The following PDZD4 variants were observed in gnomAD, a reference collection of about 807,000 sequenced individuals.
PDZD4 encodes the protein PDZ domain containing 4, also known as PDZ domain-containing protein 4.
Under a neutral mutation model 38.5 loss-of-function variants are expected in PDZD4, and 9 were observed. The observed-to-expected ratio is 0.23, with a 90% CI of 0.14 to 0.41. The LOEUF (loss-of-function observed/expected upper bound fraction) is 0.41. Ranked by LOEUF, PDZD4 falls within the 10% of genes least tolerant of loss-of-function variation. The pLI, the probability that PDZD4 is intolerant of heterozygous loss-of-function variation, is 1.00. For synonymous variants in PDZD4, 349 were observed against 315.7 expected (o/e 1.11, Z -1.12); for missense variants, 612 against 722.0 (o/e 0.85, Z 1.75).
rs1557076447 is a variant in PDZD4, at chrX:153,805,079, G to A, written c.780+18C>T. On this transcript the variant is annotated intron_variant, in intron 7 of 7. Coordinates refer to ENST00000393758, the MANE Select transcript of PDZD4 (RefSeq NM_001303512.2). The stretch of plus-strand genomic sequence containing the variant: ...TCTCCTCCTCGCCCTCCCCACCAGC[G>A]CCCTTTTCCTTCCTCACCTGCTGGG... 8.4e-7 allele frequency: 1 copy of A among 1,197,361 alleles called. No homozygotes were observed. Among genetic ancestry groups the A allele is most frequent in the African/African-American group, 1.8e-5 (1 of 56,917 alleles).
chrX:153,815,648 G>T (rs964059436), intron 1 of PDZD4, among the ~76,000 whole-genome samples: 7 of 111,867 alleles, frequency 6.3e-5, no homozygotes, highest in African/African-American at 2.3e-4. Context: ...CCAGGTCGGG[G>T]AGGGGACCTG....
Position 153,803,564 on chromosome X carries a change from T to G in PDZD4, c.2117A>C (p.Gln706Pro). Residue 706 changes from glutamine to proline, a missense_variant, in exon 8 of 8, where the codon CAG becomes CCG. By Grantham distance (76) the Gln-to-Pro change is moderately conservative (BLOSUM62 -1). Transcript: ENST00000393758. ...EQRKRREFMM[Q>P]SRLECLREQQ... is the part of the protein sequence containing the mutation. ...CTCCCGCAGGCACTCCAGCCGGCTC[T>G]GCATCATGAACTCGCGCCGCTTCCG... 8.3e-7 allele frequency: 1 copy of G among 1,210,346 alleles called. No homozygotes were observed.
Position 153,803,051 on chromosome X carries a change from A to C in PDZD4, c.*302T>G. On this transcript the variant is annotated 3_prime_UTR_variant, in exon 8 of 8. Transcript: ENST00000393758. ...GTGCGTGCACGTGCAAGCACACGCA[A>C]GAGCATGGGGGATGGGGAATGCACA... 2 of 213,504 alleles carry C rather than the reference A, an allele frequency of 9.4e-6. No individual in the cohort carries two copies. Among genetic ancestry groups the C allele is most frequent in the East Asian group, 7.6e-5 (1 of 13,171 alleles). The allele number at this position is 213,504 out of a possible 1,213,427, so 17.6% of individuals were successfully genotyped here.
At chrX:153,808,632 G>A in intron 1 of PDZD4, 37 bp from the exon 2 acceptor site, 3 of 1,114,491 alleles carry the variant, frequency 2.7e-6, no homozygotes, top group East Asian at 3.3e-5. Context: ...AACCCTCAAA[G>A]GCTTGCTCCT....
intron 3 of PDZD4, 38 bp from the exon 4 acceptor site, chrX:153,806,878 G>C: frequency 8.9e-7 from 1 of 1,129,149 alleles, no homozygotes; most frequent in Non-Finnish European, 1.2e-6. Context: ...GAGGTAGAAA[G>C]CCCCAGAAAT....
Position 153,805,618 on chromosome X carries a change from A to T in PDZD4, c.568-12T>A, listed in dbSNP as rs782328094. 8.4e-7 allele frequency: 1 copy of T among 1,190,826 alleles called. No homozygotes were observed. Among genetic ancestry groups the T allele is most frequent in the Admixed American group, 2.2e-5 (1 of 46,098 alleles). ...TCTACACCGTTAATCTGAGGCAGGC[A>T]GGATACAATCAACAAGCATGCTAGG... On this transcript the variant is annotated splice_polypyrimidine_tract_variant and intron_variant, in intron 5 of 7. Coordinates refer to ENST00000393758, the MANE Select transcript of PDZD4 (RefSeq NM_001303512.2).
At chrX:153,818,939 C>G in intron 1 of PDZD4, among the ~76,000 whole-genome samples, 1 of 112,352 alleles carries the variant, frequency 8.9e-6, no homozygotes, top group Non-Finnish European at 1.9e-5. Context: ...GCAGGCATGA[C>G]GCGAAGTCGG....
At chrX:153,829,367 C>T (rs2064516904) in intron 1 of PDZD4, among the ~76,000 whole-genome samples, 1 of 111,368 alleles carries the variant, frequency 9.0e-6, no homozygotes, top group African/African-American at 3.3e-5. Context: ...CCTGTCTGAG[C>T]CCTGTCTGCT....
At chrX:153,826,383 G>GA (rs1216114882) in intron 1 of PDZD4, among the ~76,000 whole-genome samples, 1 of 110,560 alleles carries the variant, frequency 9.0e-6, no homozygotes, top group Non-Finnish European at 1.9e-5. Flanking sequence ...TTTTAGTAAG[G>GA]TCGCAAGATA....
In PDZD4 at chrX:153,804,037, C is replaced by G; in HGVS notation, c.1644G>C (p.Ala548=). Reference sequence around the variant, plus strand: ...TGGGGTTGCGGCGGCCGCGCTCCTCCGCGTGCTGCCTCCGGCCGGCCTCAG... The same window carrying G: ...TGGGGTTGCGGCGGCCGCGCTCCTCGGCGTGCTGCCTCCGGCCGGCCTCAG... The part of the protein sequence containing the change: ...RDPEAGRRQH[A]EERGRRNPKT... Residue 548 remains alanine (A), a synonymous_variant, in exon 8 of 8, where the codon GCG becomes GCC. Transcript: ENST00000393758. 8.6e-7 allele frequency: 1 copy of G among 1,159,102 alleles called. No individual in the cohort carries two copies. The highest frequency in any genetic ancestry group is 1.1e-6 in the Non-Finnish European group (1 of 871,423).
chrX:153,829,098 G>T (rs904158487), intron 1 of PDZD4, among the ~76,000 whole-genome samples: 3 of 111,413 alleles, frequency 2.7e-5, no homozygotes, highest in African/African-American at 6.5e-5. Context: ...TTGCGTCCCC[G>T]CCCTGCCCCT....
At chrX:153,809,929 G>A (rs1052737230) in intron 1 of PDZD4, among the ~76,000 whole-genome samples, 20 of 113,043 alleles carry the variant, frequency 1.8e-4, no homozygotes, top group African/African-American at 4.8e-4. Context: ...AGCCCATTAC[G>A]CACAGCGCAG....
At position 153,803,946 on chromosome X, in the gene PDZD4, C is replaced by T. The variant is rs1557075636; in HGVS notation, c.1735G>A (p.Gly579Ser). 4 of 1,165,549 alleles carry T rather than the reference C, an allele frequency of 3.4e-6. No homozygotes were observed. Among genetic ancestry groups the T allele is most frequent in the Non-Finnish European group, 2.3e-6 (2 of 874,048 alleles). The part of the protein sequence containing the change: ...SSPYLSRRHR[G>S]QGQEGEHYHS... ...TAGTGCTCGCCCTCCTGGCCCTGGC[C>T]GCGGTGGCGCCGCGAGAGGTAAGGG... Residue 579 changes from glycine (G) to serine (S), a missense_variant, in exon 8 of 8, where the codon GGC becomes AGC. Gly to Ser is a moderately conservative substitution (Grantham distance 56). Around this residue, in one of 3 missense-constraint regions of PDZD4, gnomAD observed 300 missense variants for 284.6 expected, o/e 1.05. Transcript: ENST00000393758.
At chrX:153,818,066 C>G (rs2064380392) in intron 1 of PDZD4, among the ~76,000 whole-genome samples, 1 of 111,861 alleles carries the variant, frequency 8.9e-6, no homozygotes, top group Non-Finnish European at 1.9e-5. Flanking sequence ...GCCAACATGG[C>G]GAAACCCTAT....
chrX:153,806,914 A>G (rs2064256509), intron 3 of PDZD4, 74 bp from the exon 4 acceptor site: 2 of 904,225 alleles, frequency 2.2e-6, no homozygotes, highest in South Asian at 4.2e-5. Flanking sequence ...CAGGCAGCAC[A>G]GCCCAGCCCC....
intron 1 of PDZD4, among the ~76,000 whole-genome samples, chrX:153,812,237 G>T (rs1481964909): frequency 9.4e-6 from 1 of 106,071 alleles, no homozygotes; most frequent in African/African-American, 3.5e-5. Context: ...AGGGCTTTTT[G>T]TCTGGGAACA....
At chrX:153,819,703 TC>T (rs1557080829) in intron 1 of PDZD4, among the ~76,000 whole-genome samples, 1 of 112,365 alleles carries the variant, frequency 8.9e-6, no homozygotes, top group Non-Finnish European at 1.9e-5. Flanking sequence ...CCAGGCCAAG[TC>T]AGGCATCGGG....
In PDZD4 at chrX:153,803,873, C is replaced by T. The variant is rs781791498; in HGVS notation, c.1808G>A (p.Gly603Asp). 2.7e-5 allele frequency: 32 copies of T among 1,186,025 alleles called. No homozygotes were observed. In the African/African-American group the frequency reaches 5.2e-4, roughly 19 times the overall value. ...LAPTRGLEEL[G>D]HGPLSLAGGP... ...ACCGGCCAAGCTCAGGGGGCCGTGGCCCAGCTCCTCCAGGCCTCGCGTCGG... is the reference window on the plus strand; with the variant it reads ...ACCGGCCAAGCTCAGGGGGCCGTGGTCCAGCTCCTCCAGGCCTCGCGTCGG... Residue 603 changes from glycine (G) to aspartate (D), a missense_variant, in exon 8 of 8, where the codon GGC (glycine) becomes GAC (aspartate). Physicochemically the swap from Gly to Asp is moderately conservative, Grantham distance 94. Around this residue, in one of 3 missense-constraint regions of PDZD4, gnomAD observed 300 missense variants for 284.6 expected, o/e 1.05. Coordinates refer to ENST00000393758, the MANE Select transcript of PDZD4 (RefSeq NM_001303512.2).
chrX:153,807,512 C>G, intron 2 of PDZD4, 143 bp from the exon 3 acceptor site: 2 of 595,269 alleles, frequency 3.4e-6, no homozygotes, highest in South Asian at 6.0e-5. Flanking sequence ...CAGTTGCCTC[C>G]TGCAGAGCCC....
Sources: gnomAD v4.1 joint callset for allele counts (sites outside exome capture counted in the v4.1 genomes callset) on GRCh38, gnomAD v4.1.1 for gene constraint, gnomAD v4.1.1 regional missense constraint, MANE v1.5 for transcripts, NCBI Gene and HGNC (gene_info 2026-07-23, HGNC 2026-07-21) for gene names.